TECTA: variants seen among roughly 807,000 people sequenced by gnomAD.
TECTA encodes the protein tectorin alpha.
In TECTA, 128 loss-of-function variants were observed where a neutral mutation model predicts 216.8. That is an observed-to-expected ratio of 0.59 (90% CI 0.51 to 0.68). TECTA has a LOEUF of 0.68. TECTA is among the 30% of genes least tolerant of loss of function. The pLI, the probability that TECTA is intolerant of heterozygous loss-of-function variation, is 0.00. For missense variants in TECTA, 2,551 were observed against 2,786.2 expected (o/e 0.92, Z 1.90); for synonymous variants, 1,089 against 1,117.1 (o/e 0.97, Z 0.50).
intron 7 of TECTA, among the ~76,000 whole-genome samples, chr11:121,123,105 G>A (rs1300284919): frequency 6.6e-6 from 1 of 152,134 alleles, no homozygotes; most frequent in Non-Finnish European, 1.5e-5. Context: ...ACAGGTAAGA[G>A]TGCCAGACAG....
intron 20 of TECTA, among the ~76,000 whole-genome samples, chr11:121,179,953 G>GT (rs1044073052): frequency 4.7e-4 from 66 of 139,000 alleles, no homozygotes; most frequent in Non-Finnish European, 6.8e-4. Flanking sequence ...ATATATTTGA[G>GT]TTTTTTTTGT....
intron 6 of TECTA, among the ~76,000 whole-genome samples, chr11:121,116,238 A>G (rs1341468545): frequency 1.3e-5 from 2 of 152,206 alleles, no homozygotes; most frequent in East Asian, 3.8e-4. Context: ...ACAGAGTGTA[A>G]ATACGGCATC....
In TECTA at chr11:121,171,538, T is replaced by C. The variant is rs576400415; in HGVS notation, c.5999+2613T>C. ...AGTAGTATGGTCACCTTAACAATTT[T>C]AATTCTCCCAATCCATAAGCATGAG... On this transcript the variant is annotated intron_variant, in intron 20 of 23. Coordinates refer to ENST00000392793, the MANE Select transcript of TECTA (RefSeq NM_005422.4). Among the ~76,000 whole-genome samples the C allele has an allele frequency of 3.9e-5, 6 of 152,292 alleles. No homozygotes were observed. The South Asian group carries it at 1.0e-3, about 26-fold the overall frequency.
chr11:121,155,996 T>G (rs1358879970), intron 13 of TECTA, among the ~76,000 whole-genome samples: 2 of 152,206 alleles, frequency 1.3e-5, no homozygotes, highest in African/African-American at 4.8e-5. Context: ...CGCTATGTTG[T>G]AGGTATTTTA....
chr11:121,102,818 G>A (rs1946358714), intron 2 of TECTA, 89 bp downstream of exon 2: 4 of 1,093,056 alleles, frequency 3.7e-6, no homozygotes, highest in Non-Finnish European at 4.2e-6. Context: ...AATTGTAAGG[G>A]CAGGTGCATG....
intron 10 of TECTA, among the ~76,000 whole-genome samples, chr11:121,133,914 C>A (rs961214627): frequency 2.6e-4 from 39 of 152,306 alleles, no homozygotes; most frequent in African/African-American, 8.7e-4. Flanking sequence ...AATATCCTGT[C>A]TGTCAGTCTA....
Position 121,146,117 on chromosome 11 carries a change from G to C in TECTA, c.4105+1G>C. ...GGCTGGAGGAATTACACGTCCTGCAGTGAGTCCTTCTCGTTGTCCCTCCTT... is the reference window on the plus strand; with the variant it reads ...GGCTGGAGGAATTACACGTCCTGCACTGAGTCCTTCTCGTTGTCCCTCCTT... On this transcript the variant is annotated splice_donor_variant, in intron 12 of 23. Transcript: ENST00000392793. LOFTEE classifies it high-confidence loss of function. 1.2e-6 allele frequency: 2 copies of C among 1,606,640 alleles called. No individual in the cohort carries two copies. Among genetic ancestry groups the C allele is most frequent in the Non-Finnish European group, 1.7e-6 (2 of 1,180,004 alleles).
At chr11:121,112,266 T>G (rs1418198613) in intron 4 of TECTA, among the ~76,000 whole-genome samples, 1 of 152,210 alleles carries the variant, frequency 6.6e-6, no homozygotes, top group Non-Finnish European at 1.5e-5. Context: ...AAGTTTAAAA[T>G]GAAGACAGCA....
Position 121,128,175 on chromosome 11 carries a change from C to T in TECTA, c.2198C>T (p.Ser733Phe). The T allele has an allele frequency of 2.5e-6, 4 of 1,609,510 alleles. No individual in the cohort carries two copies. The highest frequency in any genetic ancestry group is 2.2e-5 in the South Asian group (2 of 91,078). ...GACGGCGCCTCCTACGCCTTCCCCT[C>T]CGAGTTCTCCTACACCCTCCTGAAG... Reference protein sequence around the residue: ...TFDGASYAFPSEFSYTLLKTC... With the variant: ...TFDGASYAFPFEFSYTLLKTC... The change falls in exon 9 of 24, where the codon TCC becomes TTC. Residue 733 changes from serine (S) to phenylalanine (F), a missense_variant. Physicochemically the swap from Ser to Phe is radical, Grantham distance 155 (BLOSUM62 -2). Around this residue, in one of 3 missense-constraint regions of TECTA, gnomAD observed 2,375 missense variants for 2,563.9 expected, o/e 0.93. Coordinates refer to ENST00000392793, the MANE Select transcript of TECTA (RefSeq NM_005422.4).
intron 12 of TECTA, among the ~76,000 whole-genome samples, chr11:121,148,429 A>G (rs966421685): frequency 6.6e-6 from 1 of 151,810 alleles, no homozygotes; most frequent in Non-Finnish European, 1.5e-5. Context: ...TAAAGATGGT[A>G]TGGGGGTCAG....
intron 11 of TECTA, among the ~76,000 whole-genome samples, chr11:121,139,227 A>G (rs1183198439): frequency 6.6e-6 from 1 of 152,208 alleles, no homozygotes; most frequent in Non-Finnish European, 1.5e-5. Context: ...AGTTTATTCC[A>G]GTAGCCATTA....
At chr11:121,187,288 C>G (rs1306931132) in intron 20 of TECTA, among the ~76,000 whole-genome samples, 1 of 151,764 alleles carries the variant, frequency 6.6e-6, no homozygotes, top group Non-Finnish European at 1.5e-5. Context: ...CTCAATGCCA[C>G]AAGAAGGAAG....
At chr11:121,190,077 A>C (rs1035087636) in intron 23 of TECTA, 197 bp downstream of exon 23, 11 of 593,806 alleles carry the variant, frequency 1.9e-5, no homozygotes, top group Admixed American at 8.8e-5. Flanking sequence ...ACAACAACAA[A>C]AAAACCTTGC....
At position 121,189,060 on chromosome 11, in the gene TECTA, C is replaced by G. The variant is rs781161992; in HGVS notation, c.6163-20C>G. 4 of 1,613,328 alleles carry G rather than the reference C, an allele frequency of 2.5e-6. No individual in the cohort carries two copies. The African/African-American group carries it at 5.3e-5, about 22-fold the overall frequency. ...CAGCTTAATTGTGTGAAAATTTCCC[C>G]CTGGTATTCTGTCTTGCAGACTTGC... is the stretch of plus-strand genomic sequence containing the variant. On this transcript the variant is annotated intron_variant, in intron 21 of 23. Transcript: ENST00000392793.
intron 21 of TECTA, among the ~76,000 whole-genome samples, chr11:121,188,785 C>G (rs1257261370): frequency 6.6e-6 from 1 of 152,222 alleles, no homozygotes; most frequent in East Asian, 1.9e-4. Context: ...CAATCCTATT[C>G]CTGGGCAGGG....
chr11:121,181,327 G>A (rs1333619736), intron 20 of TECTA, among the ~76,000 whole-genome samples: 2 of 151,824 alleles, frequency 1.3e-5, no homozygotes, highest in Non-Finnish European at 2.9e-5. Context: ...TTATTTTTCT[G>A]ATTTCTTTGT....
At chr11:121,159,767 T>C (rs973219780) in intron 14 of TECTA, among the ~76,000 whole-genome samples, 31 of 152,230 alleles carry the variant, frequency 2.0e-4, no homozygotes, top group African/African-American at 7.2e-4. Flanking sequence ...ATCCAGCCAT[T>C]CATTGTGGGT....
chr11:121,138,798 G>T (rs1262259703), intron 11 of TECTA, among the ~76,000 whole-genome samples: 3 of 152,350 alleles, frequency 2.0e-5, no homozygotes, highest in African/African-American at 7.2e-5. Flanking sequence ...CACATGACTT[G>T]AAATGCTAAC....
chr11:121,170,593 T>C (rs1477330987), intron 20 of TECTA, among the ~76,000 whole-genome samples: 2 of 152,162 alleles, frequency 1.3e-5, no homozygotes, highest in African/African-American at 4.8e-5. Flanking sequence ...CATTTGTTAC[T>C]TTTTGTCTTT....
Sources: gnomAD v4.1 joint callset for allele counts (sites outside exome capture counted in the v4.1 genomes callset) on GRCh38, gnomAD v4.1.1 for gene constraint, gnomAD v4.1.1 regional missense constraint, MANE v1.5 for transcripts, NCBI Gene and HGNC (gene_info 2026-07-23, HGNC 2026-07-21) for gene names.